SMG6: variants seen among roughly 807,000 people sequenced by gnomAD.
SMG6 encodes the protein telomerase-binding protein EST1A.
SMG6 carries 66 observed loss-of-function variants against 142.2 expected under a neutral mutation model. The ratio of observed to expected loss-of-function variants is 0.46; its 90% CI spans 0.38 to 0.57. The LOEUF is 0.57. Among genes scored for constraint, SMG6 ranks in the 20% least tolerant of loss-of-function variants. The pLI, the probability that SMG6 is intolerant of heterozygous loss-of-function variation, is 0.00. For synonymous variants in SMG6, 779 were observed against 702.4 expected (o/e 1.11, Z -1.72); for missense variants, 1,793 against 1,832.0 (o/e 0.98, Z 0.39).
At chr17:2,110,957 A>G (rs1337412432) in intron 13 of SMG6, among the ~76,000 whole-genome samples, 1 of 152,172 alleles carries the variant, frequency 6.6e-6, no homozygotes, top group Non-Finnish European at 1.5e-5. Flanking sequence ...GCTGCCTGGT[A>G]CATCTGAAGG....
At chr17:2,175,922 C>A (rs1042531085) in intron 12 of SMG6, among the ~76,000 whole-genome samples, 4 of 152,124 alleles carry the variant, frequency 2.6e-5, no homozygotes, top group African/African-American at 9.7e-5. Context: ...ACATTCATAT[C>A]ATCAGTTATC....
chr17:2,080,014 G>A (rs1396766933), intron 15 of SMG6, among the ~76,000 whole-genome samples: 1 of 152,118 alleles, frequency 6.6e-6, no homozygotes, highest in East Asian at 1.9e-4. Context: ...GGCAGAGGTT[G>A]CAGTGAGCTG....
At chr17:2,121,243 G>A (rs1202293176) in intron 13 of SMG6, among the ~76,000 whole-genome samples, 1 of 134,730 alleles carries the variant, frequency 7.4e-6, no homozygotes, top group Non-Finnish European at 1.6e-5. Flanking sequence ...CTAAAAACTA[G>A]AAACAGATTC....
intron 10 of SMG6, among the ~76,000 whole-genome samples, chr17:2,223,947 A>T (rs924446805): frequency 3.3e-5 from 5 of 152,198 alleles, no homozygotes; most frequent in East Asian, 3.8e-4. Context: ...GAAAAGAAAG[A>T]AAGTCTGAGT....
intron 8 of SMG6, among the ~76,000 whole-genome samples, chr17:2,251,794 T>C (rs1362323489): frequency 1.3e-5 from 2 of 152,068 alleles, no homozygotes; most frequent in East Asian, 3.9e-4. Context: ...GAAAGGAAAC[T>C]GGCACCAGGT....
intron 13 of SMG6, among the ~76,000 whole-genome samples, chr17:2,148,897 AT>A (rs1461704487): frequency 6.6e-6 from 1 of 151,564 alleles, no homozygotes; most frequent in Non-Finnish European, 1.5e-5. Context: ...AAATAGAATG[AT>A]GGTTGTCAGG....
chr17:2,269,978 A>C lies in SMG6; in HGVS notation c.2661+12669T>G, dbSNP rs141726294. Reference sequence around the variant, plus strand: ...CAGGAGTTTGAGACTGCAGTGAGCTATGATGGCGCCCCTATGCTCCAGCCT... The same window carrying C: ...CAGGAGTTTGAGACTGCAGTGAGCTCTGATGGCGCCCCTATGCTCCAGCCT... On this transcript the variant is annotated intron_variant, in intron 8 of 18. Transcript: ENST00000263073. Among the ~76,000 whole-genome samples the C allele has an allele frequency of 5.3e-5, 8 of 152,226 alleles. No homozygotes were observed. In the East Asian group the frequency reaches 1.6e-3, roughly 30 times the overall value.
chr17:2,067,476 G>A (rs927939286), intron 16 of SMG6, among the ~76,000 whole-genome samples: 2 of 152,206 alleles, frequency 1.3e-5, no homozygotes, highest in Non-Finnish European at 2.9e-5. Context: ...AAGCTCCTGG[G>A]TAGGAAAGCA....
At chr17:2,249,166 T>G (rs190789963) in intron 8 of SMG6, among the ~76,000 whole-genome samples, 7 of 152,242 alleles carry the variant, frequency 4.6e-5, no homozygotes, top group East Asian at 1.9e-4. Context: ...GTGCTGGGAT[T>G]ACAGGCGTGA....
intron 13 of SMG6, among the ~76,000 whole-genome samples, chr17:2,110,754 T>C (rs1043802469): frequency 1.3e-5 from 2 of 152,124 alleles, no homozygotes; most frequent in Non-Finnish European, 2.9e-5. Flanking sequence ...GGCAAAATAA[T>C]GTGCAAAGTA....
chr17:2,211,918 C>T (rs2072877280), intron 10 of SMG6, among the ~76,000 whole-genome samples: 2 of 152,120 alleles, frequency 1.3e-5, no homozygotes, highest in Admixed American at 6.5e-5. Flanking sequence ...GCCAAGGCTC[C>T]AAGCATCACA....
At position 2,134,886 on chromosome 17, in the gene SMG6, A is replaced by AT. The variant is rs35802815; in HGVS notation, c.3357+37771dup. ...TTTTTAAAAAGTTTTATTTTAATTTATTTTTTTTTTTGAGACAGAGTCTCA... is the reference window on the plus strand; with the variant it reads ...TTTTTAAAAAGTTTTATTTTAATTTATTTTTTTTTTTTGAGACAGAGTCTCA... On this transcript the variant is annotated intron_variant, in intron 13 of 18. Coordinates refer to ENST00000263073, the MANE Select transcript of SMG6 (RefSeq NM_017575.5). Among the ~76,000 whole-genome samples the AT allele has an allele frequency of 2.9e-4, 44 of 149,400 alleles. 1 individual carries two copies. The highest frequency in any genetic ancestry group is 9.1e-4 in the African/African-American group (37 of 40,580).
intron 12 of SMG6, among the ~76,000 whole-genome samples, chr17:2,181,119 T>A (rs187598232): frequency 5.9e-5 from 9 of 152,298 alleles, no homozygotes; most frequent in Non-Finnish European, 8.8e-5. Flanking sequence ...ATCTGTAAGG[T>A]CAGTGGGCAT....
chr17:2,065,852 C>T (rs1340595918), intron 16 of SMG6, among the ~76,000 whole-genome samples, 173 bp from the exon 17 acceptor site: 1 of 152,222 alleles, frequency 6.6e-6, no homozygotes, highest in East Asian at 1.9e-4. Context: ...CAAGAAGTGT[C>T]TCGAGATTTC....
intron 10 of SMG6, among the ~76,000 whole-genome samples, chr17:2,227,375 C>T (rs2073348085): frequency 6.6e-6 from 1 of 152,162 alleles, no homozygotes; most frequent in Non-Finnish European, 1.5e-5. Flanking sequence ...ATCCAGACTC[C>T]TCAGTAATGC....
intron 10 of SMG6, among the ~76,000 whole-genome samples, chr17:2,216,363 G>GC (rs892958068): frequency 1.3e-5 from 2 of 152,012 alleles, no homozygotes; most frequent in Non-Finnish European, 2.9e-5. Context: ...GCTAAGAAAA[G>GC]GGGGGGAAAA....
At chr17:2,114,941 T>C (rs1179227415) in intron 13 of SMG6, among the ~76,000 whole-genome samples, 1 of 112,010 alleles carries the variant, frequency 8.9e-6, no homozygotes, top group Non-Finnish European at 1.8e-5. Context: ...TAAAATAAAA[T>C]AAAATAAAAT....
chr17:2,207,575 T>C (rs936823893), intron 10 of SMG6, among the ~76,000 whole-genome samples: 3 of 152,054 alleles, frequency 2.0e-5, no homozygotes, highest in South Asian at 2.1e-4. Context: ...CTAGAAAAGA[T>C]TGTTTTAAAA....
chr17:2,084,072 C>A (rs1160357068), intron 14 of SMG6, among the ~76,000 whole-genome samples: 1 of 152,216 alleles, frequency 6.6e-6, no homozygotes, highest in African/African-American at 2.4e-5. Flanking sequence ...CAGAGAAGGC[C>A]TTCTCTGGCT....
Sources: allele counts gnomAD v4.1 joint callset (sites outside exome capture counted in the v4.1 genomes callset), GRCh38; gene constraint gnomAD v4.1.1; transcripts MANE v1.5; gene names NCBI Gene and HGNC (gene_info 2026-07-23, HGNC 2026-07-21).